The following CEP57L1 variants were observed in gnomAD, a reference collection of about 807,000 sequenced individuals.
CEP57L1 encodes the protein centrosomal protein CEP57L1.
A neutral mutation model predicts 61.0 loss-of-function variants in CEP57L1; 37 were observed. That is an observed-to-expected ratio of 0.61 (90% CI 0.47 to 0.80). The LOEUF (loss-of-function observed/expected upper bound fraction) is 0.80, where lower values mean the gene tolerates loss of function less well. Ranked by LOEUF, CEP57L1 falls within the 30% of genes least tolerant of loss-of-function variation. The pLI is 0.00. For missense variants in CEP57L1, 422 were observed against 524.7 expected (o/e 0.80, Z 1.91); for synonymous variants, 137 against 162.3 (o/e 0.84, Z 1.19).
At chr6:109,161,963 G>A (rs1363168487) in intron 10 of CEP57L1, among the ~76,000 whole-genome samples, 1 of 152,062 alleles carries the variant, frequency 6.6e-6, no homozygotes, top group African/African-American at 2.4e-5. Context: ...AATAGCTTAA[G>A]TAATGGGTTG....
In CEP57L1 at chr6:109,116,115, ATGTTATGTGT is replaced by A. The variant is rs1779717866; in HGVS notation, c.-4+20544_-4+20553del. Among the ~76,000 whole-genome samples, 3 of 146,542 alleles carry A rather than the reference ATGTTATGTGT, an allele frequency of 2.0e-5. No individual in the cohort carries two copies. The South Asian group carries it at 6.4e-4, about 31-fold the overall frequency. ...ATTTTATTTTATTTTATTTTATTTT[ATGTTATGTGT>A]TGTGTTATGTTATGTTATGTTATGT... is the stretch of plus-strand genomic sequence containing the variant. On this transcript the variant is annotated intron_variant, in intron 1 of 10. Coordinates refer to ENST00000517392, the MANE Select transcript of CEP57L1 (RefSeq NM_001271852.3).
At chr6:109,096,035 C>G (rs1254686683) in intron 1 of CEP57L1, among the ~76,000 whole-genome samples, 1 of 152,036 alleles carries the variant, frequency 6.6e-6, no homozygotes, top group Non-Finnish European at 1.5e-5. Flanking sequence ...CCCAGTATTC[C>G]TAGATAGGAA....
chr6:109,117,774 T>C (rs1772471855), intron 1 of CEP57L1, among the ~76,000 whole-genome samples: 1 of 152,206 alleles, frequency 6.6e-6, no homozygotes, highest in Admixed American at 6.5e-5. Flanking sequence ...ATTATGCAGA[T>C]ACAGTCACAG....
intron 1 of CEP57L1, among the ~76,000 whole-genome samples, chr6:109,098,669 G>C (rs1345180000): frequency 6.6e-6 from 1 of 150,828 alleles, no homozygotes; most frequent in Non-Finnish European, 1.5e-5. Flanking sequence ...TCTTTTTGTA[G>C]AGACAGGATC....
intron 1 of CEP57L1, among the ~76,000 whole-genome samples, chr6:109,136,787 G>A (rs575238032): frequency 6.7e-6 from 1 of 149,046 alleles, no homozygotes; most frequent in African/African-American, 2.5e-5. Context: ...AGAGTCTTTT[G>A]CTCTGTCGCC....
At chr6:109,134,121 T>G (rs1193602673) in intron 1 of CEP57L1, among the ~76,000 whole-genome samples, 1 of 152,074 alleles carries the variant, frequency 6.6e-6, no homozygotes, top group Non-Finnish European at 1.5e-5. Context: ...AAAGAGAATT[T>G]TAGACCAATA....
intron 1 of CEP57L1, among the ~76,000 whole-genome samples, chr6:109,123,671 C>G (rs1030649257): frequency 6.6e-6 from 1 of 152,166 alleles, no homozygotes; most frequent in African/African-American, 2.4e-5. Context: ...TTCCCTGTCA[C>G]GAGTTTTCCT....
chr6:109,172,721 A>G lies in CEP57L1; in HGVS notation c.*9751A>G, dbSNP rs1774460429. On this transcript the variant is annotated 3_prime_UTR_variant, in exon 11 of 11. Transcript: ENST00000517392. ...CATAAATTTGCTTAGTGATTTTCTG[A>G]TTTAGTATCATTAGTTTGATGACTA... 6.6e-6 allele frequency among the ~76,000 whole-genome samples: 1 copy of G among 152,128 alleles called. No individual in the cohort carries two copies. The highest frequency in any genetic ancestry group is 2.4e-5 in the African/African-American group (1 of 41,418).
intron 1 of CEP57L1, chr6:109,130,801 A>G (rs1248654143): frequency 6.6e-6 from 1 of 151,878 alleles, no homozygotes. Flanking sequence ...CAGGTTTCAT[A>G]TCCAGAGGCA....
chr6:109,165,803 T>A lies in CEP57L1; in HGVS notation c.*2833T>A, dbSNP rs553291907. On this transcript the variant is annotated 3_prime_UTR_variant, in exon 11 of 11. Coordinates refer to ENST00000517392, the MANE Select transcript of CEP57L1 (RefSeq NM_001271852.3). ...CAGGGGGTGGAGCAAAAGATTTCTT[T>A]CCTGGATGGAGCAGTCAGTCTATGG... The A allele has an allele frequency of 6.6e-6, 1 of 152,246 alleles. No homozygotes were observed. Among genetic ancestry groups the A allele is most frequent in the African/African-American group, 2.4e-5 (1 of 41,468 alleles). The allele number at this position is 152,246 out of a possible 1,614,324, so 9.4% of individuals were successfully genotyped here. A position where few individuals can be genotyped will look rare whatever the true frequency, so the allele number is the denominator to read the frequency against.
chr6:109,170,204 AC>A lies in CEP57L1; in HGVS notation c.*7236del, dbSNP rs1347700734. 6.6e-6 allele frequency among the ~76,000 whole-genome samples: 1 copy of A among 152,202 alleles called. No homozygotes were observed. The highest frequency in any genetic ancestry group is 1.5e-5 in the Non-Finnish European group (1 of 68,022). On this transcript the variant is annotated 3_prime_UTR_variant, in exon 11 of 11. Coordinates refer to ENST00000517392, the MANE Select transcript of CEP57L1 (RefSeq NM_001271852.3). ...TCTACCCACTTGTAGAAGTTTATTC[AC>A]CACTACAAATTACTAAAGTTAACCT...
At chr6:109,103,681 T>C (rs1302629438) in intron 1 of CEP57L1, among the ~76,000 whole-genome samples, 8 of 152,166 alleles carry the variant, frequency 5.3e-5, no homozygotes, top group Admixed American at 2.6e-4. Context: ...ACTAAATCTC[T>C]AGTATTTCTG....
At position 109,143,230 on chromosome 6, in the gene CEP57L1, C is replaced by T. The variant is rs150262382; in HGVS notation, c.-3-1989C>T. ...TAGGTCAGAGATAAATTAGAATGACCACCATCATAGTCTACTCAGAATCAC... is the reference window on the plus strand; with the variant it reads ...TAGGTCAGAGATAAATTAGAATGACTACCATCATAGTCTACTCAGAATCAC... On this transcript the variant is annotated intron_variant, in intron 1 of 10. Transcript: ENST00000517392. 4.5e-3 allele frequency among the ~76,000 whole-genome samples: 692 copies of T among 152,190 alleles called. 4 individuals carry two copies. The highest frequency in any genetic ancestry group is 7.0e-3 in the Non-Finnish European group (476 of 68,006).
At position 109,114,927 on chromosome 6, in the gene CEP57L1, GTA is replaced by G. The variant is rs1772104541; in HGVS notation, c.-4+19355_-4+19356del. Among the ~76,000 whole-genome samples the G allele has an allele frequency of 3.3e-5, 5 of 152,120 alleles. No homozygotes were observed. The South Asian group carries it at 1.0e-3, about 32-fold the overall frequency. On this transcript the variant is annotated intron_variant, in intron 1 of 10. Coordinates refer to ENST00000517392, the MANE Select transcript of CEP57L1 (RefSeq NM_001271852.3). Reference sequence around the variant, plus strand: ...TACTCTGATATGATCATTCCACAATGTATACATGTATTGAAATATCACCTTAT... The same window carrying G: ...TACTCTGATATGATCATTCCACAATGTACATGTATTGAAATATCACCTTAT...
chr6:109,122,641 A>T (rs7450826), intron 1 of CEP57L1, among the ~76,000 whole-genome samples: 11,933 of 152,118 alleles, frequency 0.078, 641 homozygotes, highest in Middle Eastern at 0.2. Flanking sequence ...TCTCTACTAA[A>T]GATACAAAAA....
chr6:109,107,848 G>A (rs1771112689), intron 1 of CEP57L1, among the ~76,000 whole-genome samples: 1 of 152,112 alleles, frequency 6.6e-6, no homozygotes, highest in Admixed American at 6.5e-5. Context: ...GGCTGAGGCA[G>A]GAGAATCACT....
In CEP57L1 at chr6:109,133,052, C is replaced by A. The variant is rs147053758; in HGVS notation, c.-3-12167C>A. 8.3e-3 allele frequency among the ~76,000 whole-genome samples: 1,262 copies of A among 152,214 alleles called. 24 individuals are homozygous for A. The highest frequency in any genetic ancestry group is 0.029 in the African/African-American group (1,214 of 41,528). ...CCAAGTTAGACTGTCTGAGAATTAT[C>A]TTTGAATTGTTCTTCTCCTTTATCC... On this transcript the variant is annotated intron_variant, in intron 1 of 10. Transcript: ENST00000517392.
chr6:109,145,486 CCTAA>C (rs2114863667), intron 2 of CEP57L1, 105 bp downstream of exon 2: 1 of 753,698 alleles, frequency 1.3e-6, no homozygotes, highest in East Asian at 2.8e-5. Context: ...TAACAAAACT[CCTAA>C]CTTTGATTCT....
intron 1 of CEP57L1, among the ~76,000 whole-genome samples, chr6:109,120,935 C>G (rs1772896434): frequency 9.4e-6 from 1 of 106,936 alleles, no homozygotes; most frequent in Non-Finnish European, 2.5e-5. Context: ...CACACACACA[C>G]ACACACACAC....
Sources: allele counts gnomAD v4.1 joint callset (sites outside exome capture counted in the v4.1 genomes callset), GRCh38; gene constraint gnomAD v4.1.1; transcripts MANE v1.5; gene names NCBI Gene and HGNC (gene_info 2026-07-23, HGNC 2026-07-21).